Variants in MAP3K19 observed in about 807,000 individuals in gnomAD.
MAP3K19 encodes the protein SPS1/STE20-related protein kinase YSK4.
In MAP3K19, 91 loss-of-function variants were observed where a neutral mutation model predicts 114.4. The observed-to-expected ratio is 0.80, with a 90% CI of 0.67 to 0.95. The LOEUF (loss-of-function observed/expected upper bound fraction) is 0.95. Among genes scored for constraint, MAP3K19 ranks in the 40% least tolerant of loss-of-function variants. The pLI, the probability that MAP3K19 is intolerant of heterozygous loss-of-function variation, is 0.00. For missense variants in MAP3K19, 1,471 were observed against 1,573.2 expected, an observed-to-expected ratio of 0.94 and a Z score of 1.10; for synonymous variants, 518 against 530.5, an observed-to-expected ratio of 0.98 and a Z score of 0.32.
Position 134,987,873 on chromosome 2 carries a change from A to G in MAP3K19, c.999T>C (p.Phe333=). ...HFEKGQSLVS[F]ENLKEGNIPA... ...GAATATTGCCTTCCTTCAAATTCTC[A>G]AAAGACACCAAAGACTGCCCTTTTT... Residue 333 remains phenylalanine (F), a synonymous_variant, in exon 10 of 13, where the codon TTT becomes TTC. Coordinates refer to ENST00000392915, the MANE Select transcript of MAP3K19 (RefSeq NM_025052.5). 1 of 1,613,080 alleles carries G rather than the reference A, an allele frequency of 6.2e-7. No individual in the cohort carries two copies. Among genetic ancestry groups the G allele is most frequent in the African/African-American group, 1.3e-5 (1 of 74,922 alleles).
Position 134,987,181 on chromosome 2 carries a change from A to C in MAP3K19, c.1691T>G (p.Met564Arg). 1 of 1,614,210 alleles carries C rather than the reference A, an allele frequency of 6.2e-7. No homozygotes were observed. Among genetic ancestry groups the C allele is most frequent in the South Asian group, 1.1e-5 (1 of 91,084 alleles). The change falls in exon 10 of 13, where the codon ATG becomes AGG. Residue 564 changes from methionine (M) to arginine (R), a missense_variant. By Grantham distance (91) the Met-to-Arg change is moderately conservative. Transcript: ENST00000392915. ...TTGTGTTTTTATGCTGGTTTTATGC[A>C]TGGTAGGCTTAATGGGACCTTCAGT... ...ISTEGPIKPT[M>R]HKTSIKTQIF...
chr2:134,969,622 T>C (rs1196771404), intron 12 of MAP3K19, among the ~76,000 whole-genome samples: 1 of 152,228 alleles, frequency 6.6e-6, no homozygotes, highest in Admixed American at 6.5e-5. Flanking sequence ...CTTCACACTG[T>C]GCTTTCCTTT....
At chr2:135,013,565 T>C (rs1687385853) in intron 5 of MAP3K19, among the ~76,000 whole-genome samples, 1 of 152,174 alleles carries the variant, frequency 6.6e-6, no homozygotes, top group Admixed American at 6.5e-5. Flanking sequence ...CTAAAAATCT[T>C]CTTTGCTCTG....
chr2:135,019,570 T>C (rs1687829133), intron 5 of MAP3K19, among the ~76,000 whole-genome samples: 1 of 152,206 alleles, frequency 6.6e-6, no homozygotes, highest in African/African-American at 2.4e-5. Context: ...GAGGATTGCT[T>C]GAGCCTGGGA....
intron 5 of MAP3K19, among the ~76,000 whole-genome samples, chr2:135,017,154 A>G (rs1257143340): frequency 6.6e-6 from 1 of 152,236 alleles, no homozygotes; most frequent in Non-Finnish European, 1.5e-5. Flanking sequence ...GGAAGATAAA[A>G]TATGACTCTA....
At chr2:135,026,563 T>C (rs773614437) in intron 3 of MAP3K19, among the ~76,000 whole-genome samples, 2 of 152,192 alleles carry the variant, frequency 1.3e-5, no homozygotes, top group Non-Finnish European at 1.5e-5. Context: ...CCATCTGTTC[T>C]TATTTGATGA....
chr2:135,009,780 A>AT (rs964658089), intron 5 of MAP3K19, among the ~76,000 whole-genome samples: 3 of 151,968 alleles, frequency 2.0e-5, no homozygotes, highest in Non-Finnish European at 4.4e-5. Flanking sequence ...GAGGTTGCAA[A>AT]TTTTTTTGTG....
intron 2 of MAP3K19, among the ~76,000 whole-genome samples, chr2:135,032,623 A>AT (rs1006753143): frequency 2.0e-5 from 3 of 149,400 alleles, no homozygotes; most frequent in South Asian, 2.1e-4. Flanking sequence ...TTATTTATTT[A>AT]TTTTTTTTAA....
chr2:135,036,202 TTA>T (rs1387870949), intron 2 of MAP3K19, among the ~76,000 whole-genome samples: 1 of 152,212 alleles, frequency 6.6e-6, no homozygotes, highest in Non-Finnish European at 1.5e-5. Flanking sequence ...TGCCCTTCGT[TTA>T]TGTCTTAGCA....
chr2:135,016,889 A>G (rs62168927), intron 5 of MAP3K19, among the ~76,000 whole-genome samples: 6,397 of 152,254 alleles, frequency 0.042, 160 homozygotes, highest in African/African-American at 0.056. Context: ...ACTTTAAGGT[A>G]ATGTACTTAG....
intron 1 of MAP3K19, among the ~76,000 whole-genome samples, chr2:135,041,609 G>A (rs1259495283): frequency 2.0e-5 from 3 of 152,088 alleles, no homozygotes; most frequent in South Asian, 2.1e-4. Context: ...GATTACAGGC[G>A]TGAGCCACCG....
At chr2:135,005,247 C>T (rs939789230) in intron 6 of MAP3K19, among the ~76,000 whole-genome samples, 188 bp downstream of exon 6, 23 of 152,144 alleles carry the variant, frequency 1.5e-4, no homozygotes, top group Admixed American at 1.2e-3. Flanking sequence ...ATTATTTTAT[C>T]ACCCAGGTAT....
intron 5 of MAP3K19, among the ~76,000 whole-genome samples, chr2:135,007,204 T>C (rs1327268802): frequency 1.3e-5 from 2 of 152,090 alleles, no homozygotes; most frequent in African/African-American, 4.8e-5. Context: ...ATTTATACAG[T>C]CATTAAAAAT....
chr2:134,982,270 C>T (rs1472435141), intron 11 of MAP3K19, among the ~76,000 whole-genome samples: 1 of 151,116 alleles, frequency 6.6e-6, no homozygotes, highest in African/African-American at 2.4e-5. Flanking sequence ...AGGCATGTAC[C>T]ACCACACTAG....
rs1187957592 is a variant in MAP3K19 at position 134,997,817 on chromosome 2, C to CAAAAAAAAAAAAA, written c.574+908_574+920dup. On this transcript the variant is annotated intron_variant, in intron 8 of 12. Transcript: ENST00000392915. ...CTGGTGACAGAGCGAGACTCCGTCT[C>CAAAAAAAAAAAAA]AAAAAAAAAAAAACTTTAAGCACTG... is the stretch of plus-strand genomic sequence containing the variant. Among the ~76,000 whole-genome samples, 40 of 90,968 alleles carry CAAAAAAAAAAAAA rather than the reference C, an allele frequency of 4.4e-4. 1 individual carries two copies. The highest frequency in any genetic ancestry group is 9.3e-4 in the African/African-American group (23 of 24,612). The allele number at this position is 90,968 out of a possible 152,430, so 59.7% of individuals were successfully genotyped here.
chr2:135,021,883 T>A, intron 4 of MAP3K19, 53 bp from the exon 5 acceptor site: 8 of 1,141,446 alleles, frequency 7.0e-6, no homozygotes, highest in Non-Finnish European at 1.0e-5. Flanking sequence ...TCCAGCAATT[T>A]CAAAAGAAGA....
intron 11 of MAP3K19, 136 bp from the exon 12 acceptor site, chr2:134,981,654 T>C (rs1684666373): frequency 1.5e-6 from 1 of 685,174 alleles, no homozygotes. Flanking sequence ...CCTTCCTAAA[T>C]GCAAAGTGTT....
chr2:135,036,053 C>T (rs905875170), intron 2 of MAP3K19, among the ~76,000 whole-genome samples: 3 of 152,026 alleles, frequency 2.0e-5, no homozygotes, highest in Non-Finnish European at 2.9e-5. Context: ...AGGCTGGTCG[C>T]GAACTCCCAA....
chr2:134,969,857 T>C (rs905646077), intron 12 of MAP3K19, among the ~76,000 whole-genome samples: 19 of 152,222 alleles, frequency 1.2e-4, no homozygotes, highest in Admixed American at 6.5e-5. Flanking sequence ...GCACCATATA[T>C]TGAAGAGGGT....
Sources: gnomAD v4.1 joint callset for allele counts (sites outside exome capture counted in the v4.1 genomes callset) on GRCh38, gnomAD v4.1.1 for gene constraint, MANE v1.5 for transcripts, NCBI Gene and HGNC (gene_info 2026-07-23, HGNC 2026-07-21) for gene names.